ANO6: variants seen among roughly 807,000 people sequenced by gnomAD.
The protein encoded by ANO6 is anoctamin-6.
Under a neutral mutation model 117.5 loss-of-function variants are expected in ANO6, and 106 were observed. That is an observed-to-expected ratio of 0.90 (90% CI 0.77 to 1.06). ANO6 has a LOEUF of 1.06. Ranked by LOEUF, ANO6 falls within the 50% of genes least tolerant of loss-of-function variation. The probability of loss-of-function intolerance (pLI) is 0.00; values close to 1 mark genes in which losing one functional copy is unlikely to be tolerated. For missense variants in ANO6, 955 were observed against 1,121.1 expected (o/e 0.85, Z 2.12); for synonymous variants, 367 against 385.1 (o/e 0.95, Z 0.55).
At chr12:45,301,629 A>G (rs915483108) in intron 1 of ANO6, among the ~76,000 whole-genome samples, 2 of 151,860 alleles carry the variant, frequency 1.3e-5, no homozygotes, top group African/African-American at 2.4e-5. Flanking sequence ...AAAAAAAAAA[A>G]AAAGAAAAAG....
intron 10 of ANO6, among the ~76,000 whole-genome samples, chr12:45,383,688 A>G (rs1942224150): frequency 1.3e-5 from 2 of 152,236 alleles, no homozygotes. Flanking sequence ...TAATTTTTTT[A>G]AAAGAGTAAT....
At chr12:45,427,410 A>G (rs1462368977) in intron 19 of ANO6, among the ~76,000 whole-genome samples, 2 of 151,966 alleles carry the variant, frequency 1.3e-5, no homozygotes, top group African/African-American at 4.8e-5. Flanking sequence ...GGCTCCTCCA[A>G]ACCAGCTCTG....
chr12:45,330,808 C>T lies in ANO6; in HGVS notation c.151-487C>T, dbSNP rs1160204184. ...ATTTGTTTGAAGTTGTCCCATGATA[C>T]CTTCTATAAAGCGGTGAAGTAAGTC... On this transcript the variant is annotated intron_variant, in intron 2 of 19. Transcript: ENST00000320560. Among the ~76,000 whole-genome samples, 6 of 151,920 alleles carry T rather than the reference C, an allele frequency of 3.9e-5. No homozygotes were observed. In the East Asian group the frequency reaches 9.7e-4, roughly 24 times the overall value.
intron 2 of ANO6, among the ~76,000 whole-genome samples, chr12:45,306,609 T>G (rs147420188): frequency 5.2e-4 from 79 of 152,224 alleles, no homozygotes; most frequent in African/African-American, 1.8e-3. Flanking sequence ...TCCCTGAAAT[T>G]CAATTTTTGA....
intron 7 of ANO6, among the ~76,000 whole-genome samples, chr12:45,356,219 A>G (rs1191226061): frequency 6.6e-6 from 1 of 152,224 alleles, no homozygotes; most frequent in Non-Finnish European, 1.5e-5. Flanking sequence ...AGAGCTAGCT[A>G]TAAGGAATAC....
rs1478047044 is a variant in ANO6 at position 45,430,272 on chromosome 12, G to A, written c.*961G>A. On this transcript the variant is annotated 3_prime_UTR_variant, in exon 20 of 20. Coordinates refer to ENST00000320560, the MANE Select transcript of ANO6 (RefSeq NM_001025356.3). ...CTTTTATTCATTAGATACAGAAGGT[G>A]CAGTATTACACATCACCAGCTGCCT... 2.0e-6 allele frequency: 2 copies of A among 985,460 alleles called. No homozygotes were observed. Among genetic ancestry groups the A allele is most frequent in the Non-Finnish European group, 2.4e-6 (2 of 829,946 alleles). 61.0% of individuals were successfully genotyped at this position (985,460 alleles called of 1,614,324 possible).
chr12:45,315,338 G>T (rs1331325492), intron 2 of ANO6, among the ~76,000 whole-genome samples: 1 of 152,004 alleles, frequency 6.6e-6, no homozygotes, highest in East Asian at 1.9e-4. Context: ...TGAGGAACTG[G>T]GGGAGAAGCA....
At chr12:45,427,587 A>G (rs1380210417) in intron 19 of ANO6, among the ~76,000 whole-genome samples, 1 of 152,094 alleles carries the variant, frequency 6.6e-6, no homozygotes, top group Non-Finnish European at 1.5e-5. Flanking sequence ...TTTGTTTTTA[A>G]TTATGCTTAT....
chr12:45,305,159 A>T (rs1423767488), intron 2 of ANO6, among the ~76,000 whole-genome samples: 1 of 152,136 alleles, frequency 6.6e-6, no homozygotes, highest in Non-Finnish European at 1.5e-5. Flanking sequence ...AAAGCTTAGG[A>T]GCTGGGAATG....
chr12:45,318,705 T>G (rs1940140987), intron 2 of ANO6, among the ~76,000 whole-genome samples: 1 of 152,158 alleles, frequency 6.6e-6, no homozygotes, highest in African/African-American at 2.4e-5. Flanking sequence ...ATCTATAAAT[T>G]ACCTTGGGCA....
intron 3 of ANO6, among the ~76,000 whole-genome samples, chr12:45,341,510 C>G (rs996494672): frequency 2.0e-5 from 3 of 152,164 alleles, no homozygotes; most frequent in Non-Finnish European, 2.9e-5. Flanking sequence ...ATGTGCTATA[C>G]ATTCTCATCA....
intron 12 of ANO6, among the ~76,000 whole-genome samples, chr12:45,395,185 A>G (rs770324052): frequency 3.3e-4 from 50 of 152,222 alleles, no homozygotes; most frequent in Non-Finnish European, 1.0e-4. Context: ...TAGAAATACA[A>G]ACTACCATCA....
intron 1 of ANO6, among the ~76,000 whole-genome samples, chr12:45,276,398 C>T (rs1346755457): frequency 1.3e-5 from 2 of 152,190 alleles, no homozygotes; most frequent in Non-Finnish European, 2.9e-5. Flanking sequence ...CCTCTCATGT[C>T]TTCACTGCCC....
intron 1 of ANO6, among the ~76,000 whole-genome samples, chr12:45,262,544 C>T (rs903512560): frequency 6.6e-6 from 1 of 152,144 alleles, no homozygotes; most frequent in Admixed American, 6.5e-5. Context: ...CTTGCCTCAG[C>T]CTCCCGAGCA....
chr12:45,317,129 A>ATATATATT (rs1565684689), intron 2 of ANO6, among the ~76,000 whole-genome samples: 1 of 105,450 alleles, frequency 9.5e-6, no homozygotes, highest in African/African-American at 3.0e-5. Context: ...ATATATATAT[A>ATATATATT]TATTTATTAT....
chr12:45,251,275 G>A (rs1416044140), intron 1 of ANO6, among the ~76,000 whole-genome samples: 1 of 152,182 alleles, frequency 6.6e-6, no homozygotes, highest in Non-Finnish European at 1.5e-5. Context: ...AGTGGGACTA[G>A]CAGATCTTCA....
At chr12:45,399,469 C>A (rs2137620001) in intron 12 of ANO6, among the ~76,000 whole-genome samples, 1 of 152,238 alleles carries the variant, frequency 6.6e-6, no homozygotes, top group African/African-American at 2.4e-5. Context: ...GCTGGGATTA[C>A]AGGCGTGAGC....
intron 1 of ANO6, among the ~76,000 whole-genome samples, chr12:45,286,467 A>C (rs1938918747): frequency 6.6e-6 from 1 of 152,230 alleles, no homozygotes; most frequent in Non-Finnish European, 1.5e-5. Context: ...GGTATGATTT[A>C]GAAATACAAC....
chr12:45,336,243 T>C (rs1357453060), intron 3 of ANO6, among the ~76,000 whole-genome samples: 2 of 152,052 alleles, frequency 1.3e-5, no homozygotes, highest in Non-Finnish European at 2.9e-5. Context: ...GAGGTGATCA[T>C]ATGGCTTGGT....
Sources: gnomAD v4.1 joint callset for allele counts (sites outside exome capture counted in the v4.1 genomes callset) on GRCh38, gnomAD v4.1.1 for gene constraint, MANE v1.5 for transcripts, NCBI Gene and HGNC (gene_info 2026-07-23, HGNC 2026-07-21) for gene names.